Variants in SDCCAG8 observed in about 807,000 individuals in gnomAD.
The protein encoded by SDCCAG8 is SHH signaling and ciliogenesis regulator SDCCAG8.
A neutral mutation model predicts 101.8 loss-of-function variants in SDCCAG8; 74 were observed. That is an observed-to-expected ratio of 0.73 (90% CI 0.60 to 0.88). The LOEUF (loss-of-function observed/expected upper bound fraction) is 0.88. Ranked by LOEUF, SDCCAG8 falls within the 40% of genes least tolerant of loss-of-function variation. The pLI is 0.00. For missense variants in SDCCAG8, 787 were observed against 822.6 expected (o/e 0.96, Z 0.53); for synonymous variants, 281 against 292.9 (o/e 0.96, Z 0.41).
At chr1:243,484,698 G>A (rs1199657368) in intron 16 of SDCCAG8, among the ~76,000 whole-genome samples, 1 of 152,162 alleles carries the variant, frequency 6.6e-6, no homozygotes, top group Non-Finnish European at 1.5e-5. Context: ...CCCGAGAGCC[G>A]GGAGCATTTG....
In SDCCAG8 at chr1:243,428,764, A is replaced by G. The variant is rs1160908105; in HGVS notation, c.1985+2206A>G. ...CAATTGAGAGAAATGTCAAATGTGA[A>G]GGTGCAGTATTAGATCGTAACTGCA... On this transcript the variant is annotated intron_variant, in intron 16 of 17. Transcript: ENST00000366541. Among the ~76,000 whole-genome samples, 5 of 152,252 alleles carry G rather than the reference A, an allele frequency of 3.3e-5. 1 individual carries two copies. Among genetic ancestry groups the G allele is most frequent in the Non-Finnish European group, 7.3e-5 (5 of 68,046 alleles).
At chr1:243,386,580 C>T (rs2078307193) in intron 13 of SDCCAG8, among the ~76,000 whole-genome samples, 1 of 151,924 alleles carries the variant, frequency 6.6e-6, no homozygotes, top group East Asian at 1.9e-4. Flanking sequence ...GGTAAAAACC[C>T]GTCTCCAGTA....
intron 17 of SDCCAG8, among the ~76,000 whole-genome samples, chr1:243,492,625 T>A (rs1666829004): frequency 2.0e-5 from 3 of 146,466 alleles, no homozygotes; most frequent in Admixed American, 2.0e-4. Flanking sequence ...TTTTTTTTTT[T>A]TTGATGAGTT....
chr1:243,463,607 G>T (rs571674295), intron 16 of SDCCAG8, among the ~76,000 whole-genome samples: 17 of 152,254 alleles, frequency 1.1e-4, no homozygotes, highest in African/African-American at 4.1e-4. Context: ...CACAATATGG[G>T]TCTAAAACCA....
At position 243,400,526 on chromosome 1, in the gene SDCCAG8, C is replaced by G. The variant is rs547112823; in HGVS notation, c.1617-15176C>G. Among the ~76,000 whole-genome samples the G allele has an allele frequency of 5.3e-5, 8 of 152,266 alleles. No individual in the cohort carries two copies. The East Asian group carries it at 9.7e-4, about 18-fold the overall frequency. On this transcript the variant is annotated intron_variant, in intron 13 of 17. Coordinates refer to ENST00000366541, the MANE Select transcript of SDCCAG8 (RefSeq NM_006642.5). ...TTTCAATTTTCATTTAGTCATTTCTCTAAAATGGGGGTGTGGGGTGGGGAA... is the reference window on the plus strand; with the variant it reads ...TTTCAATTTTCATTTAGTCATTTCTGTAAAATGGGGGTGTGGGGTGGGGAA...
intron 17 of SDCCAG8, among the ~76,000 whole-genome samples, chr1:243,498,177 C>T (rs760076296): frequency 2.6e-5 from 4 of 152,176 alleles, no homozygotes; most frequent in Non-Finnish European, 4.4e-5. Context: ...TGGGTCAGTT[C>T]GATCACCTGG....
chr1:243,492,768 T>C (rs1453632674), intron 17 of SDCCAG8, among the ~76,000 whole-genome samples: 2 of 151,630 alleles, frequency 1.3e-5, no homozygotes, highest in East Asian at 2.0e-4. Flanking sequence ...CCACCACGCC[T>C]GGCTAATTTT....
chr1:243,405,942 T>C (rs544486966), intron 13 of SDCCAG8, among the ~76,000 whole-genome samples: 1 of 152,108 alleles, frequency 6.6e-6, no homozygotes, highest in South Asian at 2.1e-4. Flanking sequence ...AATAATAGAA[T>C]AGAATAGAAT....
intron 13 of SDCCAG8, among the ~76,000 whole-genome samples, chr1:243,401,698 GT>G (rs2079407170): frequency 6.6e-6 from 1 of 151,202 alleles, no homozygotes. Flanking sequence ...ATGTGAATAT[GT>G]TTTTTGGGAG....
intron 1 of SDCCAG8, among the ~76,000 whole-genome samples, chr1:243,262,267 G>A (rs1260010740): frequency 6.8e-6 from 1 of 146,884 alleles, no homozygotes; most frequent in African/African-American, 2.5e-5. Context: ...CACCACGCCC[G>A]GCTAATTTTT....
intron 13 of SDCCAG8, among the ~76,000 whole-genome samples, chr1:243,400,171 C>T (rs1367682828): frequency 6.6e-6 from 1 of 152,186 alleles, no homozygotes; most frequent in South Asian, 2.1e-4. Flanking sequence ...GACAGTAGGG[C>T]TTCTCAGCGT....
At position 243,474,798 on chromosome 1, in the gene SDCCAG8, G is replaced by A. The variant is rs1204435121; in HGVS notation, c.1986-14216G>A. ...CTCGGACTGGTTGAGTAAGGGAGGA[G>A]GCTCGTCCTGAACGTGCACAGCCGC... On this transcript the variant is annotated intron_variant, in intron 16 of 17. Coordinates refer to ENST00000366541, the MANE Select transcript of SDCCAG8 (RefSeq NM_006642.5). The surrounding 1 kb of genome is among the most constrained non-coding windows in gnomAD (Gnocchi z 4.7). 1.3e-5 allele frequency among the ~76,000 whole-genome samples: 2 copies of A among 152,250 alleles called. No homozygotes were observed. Among genetic ancestry groups the A allele is most frequent in the African/African-American group, 4.8e-5 (2 of 41,468 alleles).
intron 9 of SDCCAG8, among the ~76,000 whole-genome samples, chr1:243,324,278 T>C (rs568938765): frequency 6.6e-6 from 1 of 152,154 alleles, no homozygotes; most frequent in Non-Finnish European, 1.5e-5. Context: ...CATCACCATC[T>C]TCACCGCAGT....
At chr1:243,343,698 T>C (rs923062832) in intron 11 of SDCCAG8, among the ~76,000 whole-genome samples, 1 of 152,232 alleles carries the variant, frequency 6.6e-6, no homozygotes, top group African/African-American at 2.4e-5. Context: ...AACCTTGCAG[T>C]CAATACTGGA....
chr1:243,361,893 A>C (rs2076731433), intron 12 of SDCCAG8, among the ~76,000 whole-genome samples: 1 of 152,242 alleles, frequency 6.6e-6, no homozygotes, highest in Non-Finnish European at 1.5e-5. Context: ...ATTAAAATGT[A>C]GGTTGTTTGA....
intron 16 of SDCCAG8, among the ~76,000 whole-genome samples, chr1:243,454,884 G>A (rs529467473): frequency 1.3e-5 from 2 of 152,110 alleles, no homozygotes; most frequent in East Asian, 1.9e-4. Context: ...TCCCAGATAC[G>A]GTAGAAATAA....
At chr1:243,325,159 C>T (rs1029884466) in intron 9 of SDCCAG8, among the ~76,000 whole-genome samples, 3 of 152,110 alleles carry the variant, frequency 2.0e-5, no homozygotes, top group Non-Finnish European at 2.9e-5. Flanking sequence ...TGACCATTTA[C>T]GTCTTAATTA....
chr1:243,294,870 T>A (rs1334390477), intron 6 of SDCCAG8, among the ~76,000 whole-genome samples: 1 of 152,168 alleles, frequency 6.6e-6, no homozygotes, highest in Non-Finnish European at 1.5e-5. Flanking sequence ...TCAGAGTTGA[T>A]CAACAATGAT....
chr1:243,346,561 G>T (rs1241820062), intron 12 of SDCCAG8, among the ~76,000 whole-genome samples: 1 of 152,316 alleles, frequency 6.6e-6, no homozygotes, highest in East Asian at 1.9e-4. Context: ...TAGGGCAAAT[G>T]GTTAACCACC....
Sources: gnomAD v4.1 joint callset for allele counts (sites outside exome capture counted in the v4.1 genomes callset) on GRCh38, gnomAD v4.1.1 for gene constraint, Gnocchi (gnomAD v3.1) non-coding constraint, MANE v1.5 for transcripts, NCBI Gene and HGNC (gene_info 2026-07-23, HGNC 2026-07-21) for gene names.